The following BTBD8 variants were observed in gnomAD, a reference collection of about 807,000 sequenced individuals.
BTBD8 encodes the protein BTB/POZ domain-containing protein 8.
A neutral mutation model predicts 162.9 loss-of-function variants in BTBD8; 110 were observed. The ratio of observed to expected loss-of-function variants is 0.68; its 90% CI spans 0.58 to 0.79. The LOEUF (loss-of-function observed/expected upper bound fraction) is 0.79, where lower values mean the gene tolerates loss of function less well. Ranked by LOEUF, BTBD8 falls within the 30% of genes least tolerant of loss-of-function variation. The pLI, the probability that BTBD8 is intolerant of heterozygous loss-of-function variation, is 0.00. For synonymous variants in BTBD8, 667 were observed against 716.1 expected (o/e 0.93, Z 1.10); for missense variants, 1,905 against 2,085.4 (o/e 0.91, Z 1.68).
In BTBD8 at chr1:92,159,492, A is replaced by G. The variant is rs771052324; in HGVS notation, c.1123-7466A>G. Among the ~76,000 whole-genome samples the G allele has an allele frequency of 1.3e-5, 2 of 151,714 alleles. 1 individual carries two copies. The stretch of plus-strand genomic sequence containing the variant: ...ATGCCTGCCTTATATATTTTCCTTC[A>G]CCAATGAGTTTCATATTTTCTTATG... On this transcript the variant is annotated intron_variant, in intron 9 of 17. Coordinates refer to ENST00000636805, the MANE Select transcript of BTBD8 (RefSeq NM_001376131.1).
chr1:92,126,413 G>C, intron 4 of BTBD8: 1 of 888,644 alleles, frequency 1.1e-6, no homozygotes, highest in South Asian at 1.3e-5. Context: ...CCCAGGCTCA[G>C]ACCTCCTCAA....
intron 4 of BTBD8, among the ~76,000 whole-genome samples, chr1:92,118,994 G>T (rs1284208208): frequency 2.0e-5 from 3 of 151,006 alleles, no homozygotes; most frequent in Non-Finnish European, 4.4e-5. Flanking sequence ...ATCTACATGG[G>T]GCACTTACTG....
Position 92,167,278 on chromosome 1 carries a change from A to G in BTBD8, c.1305+138A>G, listed in dbSNP as rs1650408315. 1.5e-5 allele frequency: 17 copies of G among 1,160,538 alleles called. 1 individual carries two copies. Among genetic ancestry groups the G allele is most frequent in the Non-Finnish European group, 1.9e-5 (16 of 835,122 alleles). 71.9% of individuals were successfully genotyped at this position (1,160,538 alleles called of 1,614,324 possible). A position where few individuals can be genotyped will look rare whatever the true frequency, so the allele number is the denominator to read the frequency against. On this transcript the variant is annotated intron_variant, in intron 10 of 17. Transcript: ENST00000636805. ...AAACTCCATAGCAGATGGCATGTTT[A>G]CATAGGATTTAAGGCAGTGATGGAC...
At chr1:92,119,642 T>G (rs1649138166) in intron 4 of BTBD8, among the ~76,000 whole-genome samples, 1 of 151,270 alleles carries the variant, frequency 6.6e-6, no homozygotes, top group African/African-American at 2.4e-5. Flanking sequence ...CTTTTTTTTT[T>G]TTGAGACGGA....
rs1357283566 is a variant in BTBD8, at chr1:92,181,081, C to G, written c.3398C>G (p.Thr1133Arg). ...DRENQVGRKDTNKQSSIKCVE... is the reference protein window; with the variant it reads ...DRENQVGRKDRNKQSSIKCVE... ...GAGAACCAAGTAGGGAGAAAAGATACAAACAAACAATCAAGTATTAAATGT... is the reference window on the plus strand; with the variant it reads ...GAGAACCAAGTAGGGAGAAAAGATAGAAACAAACAATCAAGTATTAAATGT... Residue 1133 changes from threonine (T) to arginine (R), a missense_variant, in exon 17 of 18, where the codon ACA (threonine) becomes AGA (arginine). Coordinates refer to ENST00000636805, the MANE Select transcript of BTBD8 (RefSeq NM_001376131.1). 1.9e-6 allele frequency: 3 copies of G among 1,551,454 alleles called. No individual in the cohort carries two copies. In the African/African-American group the frequency reaches 4.1e-5, roughly 21 times the overall value.
intron 5 of BTBD8, among the ~76,000 whole-genome samples, chr1:92,137,581 TC>T (rs1311969329): frequency 6.6e-6 from 1 of 152,202 alleles, no homozygotes; most frequent in Non-Finnish European, 1.5e-5. Context: ...ATAGCATACT[TC>T]CTTCCTGTTC....
chr1:92,174,917 T>C (rs1415012242), intron 13 of BTBD8, among the ~76,000 whole-genome samples: 1 of 152,038 alleles, frequency 6.6e-6, no homozygotes, highest in Non-Finnish European at 1.5e-5. Flanking sequence ...CCCACATTCA[T>C]ATATGTTATT....
At chr1:92,107,486 A>T (rs955530582) in intron 3 of BTBD8, among the ~76,000 whole-genome samples, 55 of 152,288 alleles carry the variant, frequency 3.6e-4, no homozygotes, top group African/African-American at 1.3e-3. Flanking sequence ...TTGCAGTAAC[A>T]TGCGGTACTG....
chr1:92,166,424 C>CTTTT (rs35849731), intron 9 of BTBD8, among the ~76,000 whole-genome samples: 29 of 120,410 alleles, frequency 2.4e-4, no homozygotes, highest in Non-Finnish European at 3.3e-4. Flanking sequence ...TCTTTTCTTT[C>CTTTT]TTTTTTTTTT....
rs1267310442 is a variant in BTBD8 at position 92,181,866 on chromosome 1, G to A, written c.4183G>A (p.Val1395Ile). 8.4e-6 allele frequency: 13 copies of A among 1,550,762 alleles called. No individual in the cohort carries two copies. Among genetic ancestry groups the A allele is most frequent in the South Asian group, 2.4e-5 (2 of 83,904 alleles). The change falls in exon 17 of 18, where the codon GTT becomes ATT. Residue 1395 changes from valine to isoleucine, a missense_variant. This residue lies in a region of BTBD8 where 517 missense variants were observed against 606.6 expected (regional missense o/e 0.85). Coordinates refer to ENST00000636805, the MANE Select transcript of BTBD8 (RefSeq NM_001376131.1). Reference sequence around the variant, plus strand: ...AGATGAAAGATCTGAAGCTGAAAACGTTGCAGAAAATTTCTCTATATCTAA... The same window carrying A: ...AGATGAAAGATCTGAAGCTGAAAACATTGCAGAAAATTTCTCTATATCTAA... ...TEDERSEAEN[V>I]AENFSISNPA...
intron 5 of BTBD8, among the ~76,000 whole-genome samples, chr1:92,135,732 A>G (rs1300589448): frequency 2.0e-5 from 3 of 152,164 alleles, no homozygotes; most frequent in Non-Finnish European, 4.4e-5. Context: ...TACCCTTTTT[A>G]TAGTATCATA....
rs1430950420 is a variant in BTBD8, at chr1:92,180,667, C to T, written c.2984C>T (p.Ala995Val). 9 of 1,551,184 alleles carry T rather than the reference C, an allele frequency of 5.8e-6. 1 individual carries two copies. In the East Asian group the frequency reaches 2.0e-4, roughly 34 times the overall value. Residue 995 changes from alanine (A) to valine (V), a missense_variant, in exon 17 of 18, where the codon GCA becomes GTA. Physicochemically the swap from Ala to Val is moderately conservative, Grantham distance 64. Coordinates refer to ENST00000636805, the MANE Select transcript of BTBD8 (RefSeq NM_001376131.1). The stretch of plus-strand genomic sequence containing the variant: ...CCTCACAAACCTCTCATTAATCTTG[C>T]ATCTGAAATAAGTGATGCAGAAGCA... The part of the protein sequence containing the change: ...QKPHKPLINL[A>V]SEISDAEALQ...
chr1:92,105,359 C>T (rs1272486607), intron 3 of BTBD8, among the ~76,000 whole-genome samples: 1 of 152,110 alleles, frequency 6.6e-6, no homozygotes, highest in African/African-American at 2.4e-5. Flanking sequence ...CCCAAGTGAT[C>T]CTCCCACCTC....
At chr1:92,081,575 C>G (rs938615728) in intron 1 of BTBD8, among the ~76,000 whole-genome samples, 8 of 151,966 alleles carry the variant, frequency 5.3e-5, no homozygotes, top group Admixed American at 5.3e-4. Context: ...GTGCAGCATT[C>G]TACTTTTTTT....
rs2101939158 is a variant in BTBD8 at position 92,139,450 on chromosome 1, A to C, written c.833+20A>C. On this transcript the variant is annotated intron_variant, in intron 6 of 17. Coordinates refer to ENST00000636805, the MANE Select transcript of BTBD8 (RefSeq NM_001376131.1). The stretch of plus-strand genomic sequence containing the variant: ...TGTTGGGTATGTATTCCTTTTTAAT[A>C]ATTTAAAATATAAAAGAGTTAGGTT... 3 of 1,593,146 alleles carry C rather than the reference A, an allele frequency of 1.9e-6. No individual in the cohort carries two copies. In the East Asian group the frequency reaches 6.8e-5, roughly 36 times the overall value.
At chr1:92,127,319 T>C (rs1463885681) in intron 4 of BTBD8, among the ~76,000 whole-genome samples, 1 of 152,222 alleles carries the variant, frequency 6.6e-6, no homozygotes, top group African/African-American at 2.4e-5. Flanking sequence ...CACTCCTGGT[T>C]GTTAATTTAG....
chr1:92,109,707 A>G (rs1469577255), intron 4 of BTBD8, among the ~76,000 whole-genome samples: 1 of 152,200 alleles, frequency 6.6e-6, no homozygotes, highest in African/African-American at 2.4e-5. Flanking sequence ...TTTATAGTAC[A>G]TATTAATTTT....
In BTBD8 at chr1:92,129,632, C is replaced by G. The variant is rs1025948599; in HGVS notation, c.663-55C>G. ...AGATGAAAATTTTCATAAAAAATTA[C>G]ATTTTGAATAATATGTAAATGTTTA... is the stretch of plus-strand genomic sequence containing the variant. On this transcript the variant is annotated intron_variant, in intron 4 of 17. Transcript: ENST00000636805. 7.4e-6 allele frequency: 10 copies of G among 1,343,462 alleles called. No individual in the cohort carries two copies. In the South Asian group the frequency reaches 1.2e-4, roughly 16 times the overall value. The allele number at this position is 1,343,462 out of a possible 1,614,324, so 83.2% of individuals were successfully genotyped here.
chr1:92,159,074 A>T (rs556602076), intron 9 of BTBD8, among the ~76,000 whole-genome samples: 116 of 152,316 alleles, frequency 7.6e-4, no homozygotes, highest in African/African-American at 2.7e-3. Context: ...TAAGTGATTT[A>T]TTCACTGCCA....
Sources: allele counts gnomAD v4.1 joint callset (sites outside exome capture counted in the v4.1 genomes callset), GRCh38; gene constraint gnomAD v4.1.1; regional missense constraint gnomAD v4.1.1; transcripts MANE v1.5; gene names NCBI Gene and HGNC (gene_info 2026-07-23, HGNC 2026-07-21).